The following CCDC148 variants were observed in gnomAD, a reference collection of about 807,000 sequenced individuals.
CCDC148 encodes coiled-coil domain containing 148.
A neutral mutation model predicts 85.7 loss-of-function variants in CCDC148; 89 were observed. That is an observed-to-expected ratio of 1.04 (90% CI 0.87 to 1.24). The LOEUF (loss-of-function observed/expected upper bound fraction) is 1.24, where lower values mean the gene tolerates loss of function less well. Among genes scored for constraint, CCDC148 ranks in the 50% most tolerant of loss-of-function variants. The pLI is 0.00. For synonymous variants in CCDC148, 230 were observed against 213.9 expected (o/e 1.08, Z -0.66); for missense variants, 692 against 671.7 (o/e 1.03, Z -0.33).
At chr2:158,433,785 T>A (rs1293297499) in intron 1 of CCDC148, among the ~76,000 whole-genome samples, 1 of 152,156 alleles carries the variant, frequency 6.6e-6, no homozygotes, top group Admixed American at 6.5e-5. Flanking sequence ...AATACTGCGC[T>A]TTTCCAAGGG....
At chr2:158,226,573 T>G (rs556137476) in intron 10 of CCDC148, among the ~76,000 whole-genome samples, 1 of 152,132 alleles carries the variant, frequency 6.6e-6, no homozygotes, top group Non-Finnish European at 1.5e-5. Flanking sequence ...ACTGGCAAAC[T>G]GAATCCAGCT....
chr2:158,251,710 C>T (rs1688800942), intron 9 of CCDC148, among the ~76,000 whole-genome samples: 1 of 151,800 alleles, frequency 6.6e-6, no homozygotes, highest in African/African-American at 2.4e-5. Flanking sequence ...GATGCCATAA[C>T]TCCATATTCA....
At chr2:158,401,699 A>C (rs1395309982) in intron 1 of CCDC148, among the ~76,000 whole-genome samples, 1 of 152,102 alleles carries the variant, frequency 6.6e-6, no homozygotes, top group Non-Finnish European at 1.5e-5. Flanking sequence ...TAATAATAAT[A>C]ATAAAAAGAC....
chr2:158,426,391 T>C (rs1687079484), intron 1 of CCDC148, among the ~76,000 whole-genome samples: 1 of 152,146 alleles, frequency 6.6e-6, no homozygotes. Context: ...TAAATATCAT[T>C]TTAATGTAGT....
intron 9 of CCDC148, among the ~76,000 whole-genome samples, chr2:158,282,861 C>T (rs1690398906): frequency 6.6e-6 from 1 of 152,164 alleles, no homozygotes; most frequent in Non-Finnish European, 1.5e-5. Context: ...AGGCGTCACG[C>T]TACTTGACTT....
chr2:158,238,509 C>G (rs1440285549), intron 10 of CCDC148, among the ~76,000 whole-genome samples: 1 of 151,994 alleles, frequency 6.6e-6, no homozygotes, highest in African/African-American at 2.4e-5. Flanking sequence ...ACTGAGGAGG[C>G]GATGAAGAAG....
chr2:158,332,999 T>G (rs1011986896), intron 7 of CCDC148, among the ~76,000 whole-genome samples: 1 of 152,088 alleles, frequency 6.6e-6, no homozygotes, highest in Non-Finnish European at 1.5e-5. Flanking sequence ...GATTCATTGA[T>G]TTTTTTGAAG....
chr2:158,356,211 A>G (rs1683624843), intron 2 of CCDC148, among the ~76,000 whole-genome samples: 1 of 131,208 alleles, frequency 7.6e-6, no homozygotes, highest in African/African-American at 3.5e-5. Flanking sequence ...AATGGCAACA[A>G]AAGACAAAAT....
intron 1 of CCDC148, among the ~76,000 whole-genome samples, chr2:158,418,092 T>C (rs967271512): frequency 4.5e-4 from 68 of 151,980 alleles, no homozygotes; most frequent in African/African-American, 1.6e-3. Flanking sequence ...TAAAAATCCC[T>C]TGAGTGTTTT....
chr2:158,251,064 T>G (rs538972393), intron 9 of CCDC148, 152 bp from the exon 10 acceptor site: 2 of 619,236 alleles, frequency 3.2e-6, no homozygotes, highest in African/African-American at 3.8e-5. Context: ...GTGATGTATC[T>G]GTGAAACGTG....
chr2:158,281,555 C>T (rs1690301908), intron 9 of CCDC148, among the ~76,000 whole-genome samples: 2 of 152,222 alleles, frequency 1.3e-5, no homozygotes, highest in South Asian at 4.2e-4. Context: ...TCGACACATA[C>T]ACTCTCCCAA....
At chr2:158,282,200 C>T (rs1193070842) in intron 9 of CCDC148, among the ~76,000 whole-genome samples, 2 of 152,030 alleles carry the variant, frequency 1.3e-5, no homozygotes, top group Non-Finnish European at 2.9e-5. Context: ...TGGAAGCATT[C>T]CCTTTGAAAA....
chr2:158,186,086 G>C, intron 11 of CCDC148, among the ~76,000 whole-genome samples: 1 of 151,404 alleles, frequency 6.6e-6, no homozygotes, highest in South Asian at 2.1e-4. Context: ...GCAGAGAGGA[G>C]GCTGAGTTTT....
chr2:158,213,801 C>G (rs1409922420), intron 11 of CCDC148, among the ~76,000 whole-genome samples: 3 of 152,086 alleles, frequency 2.0e-5, no homozygotes, highest in Admixed American at 6.6e-5. Context: ...TTTAAAAACA[C>G]CTGAAAACAA....
intron 1 of CCDC148, among the ~76,000 whole-genome samples, chr2:158,390,759 C>T (rs1349884849): frequency 1.3e-5 from 2 of 152,226 alleles, no homozygotes; most frequent in African/African-American, 4.8e-5. Flanking sequence ...GTGTCTTTTG[C>T]GCTACCTTTT....
At chr2:158,244,268 T>A (rs964564698) in intron 10 of CCDC148, among the ~76,000 whole-genome samples, 4 of 152,202 alleles carry the variant, frequency 2.6e-5, no homozygotes, top group Admixed American at 6.6e-5. Flanking sequence ...TAGTTTTTTT[T>A]AAATCGTTGT....
intron 1 of CCDC148, among the ~76,000 whole-genome samples, chr2:158,379,244 C>A (rs1337938135): frequency 6.6e-6 from 1 of 152,056 alleles, no homozygotes; most frequent in Non-Finnish European, 1.5e-5. Context: ...GAAGTAACTG[C>A]AGATGTGGTG....
chr2:158,383,148 AAAAAT>A, intron 1 of CCDC148, among the ~76,000 whole-genome samples: 1 of 151,932 alleles, frequency 6.6e-6, no homozygotes, highest in East Asian at 1.9e-4. Context: ...AAAAATAAAA[AAAAAT>A]AAAATAAATA....
chr2:158,253,130 T>C (rs1688864602), intron 9 of CCDC148, among the ~76,000 whole-genome samples: 1 of 151,770 alleles, frequency 6.6e-6, no homozygotes, highest in Non-Finnish European at 1.5e-5. Flanking sequence ...TTTTTATTTA[T>C]GACAAACTAA....
Sources: gnomAD v4.1 joint callset for allele counts (sites outside exome capture counted in the v4.1 genomes callset) on GRCh38, gnomAD v4.1.1 for gene constraint, MANE v1.5 for transcripts, NCBI Gene and HGNC (gene_info 2026-07-23, HGNC 2026-07-21) for gene names.